The following TJP3 variants were observed in gnomAD, a reference collection of about 807,000 sequenced individuals.
The protein encoded by TJP3 is tight junction protein 3.
TJP3 carries 85 observed loss-of-function variants against 104.2 expected under a neutral mutation model. The ratio of observed to expected loss-of-function variants is 0.82; its 90% CI spans 0.68 to 0.98. The LOEUF is 0.98. Among genes scored for constraint, TJP3 ranks in the 50% least tolerant of loss-of-function variants. The probability of loss-of-function intolerance (pLI) is 0.00; values close to 1 mark genes in which losing one functional copy is unlikely to be tolerated. For missense variants in TJP3, 1,367 were observed against 1,322.8 expected (o/e 1.03, Z -0.52); for synonymous variants, 550 against 550.6 (o/e 1.00, Z 0.02).
intron 6 of TJP3, 45 bp from the exon 7 acceptor site, chr19:3,733,708 C>G: frequency 1.2e-6 from 2 of 1,604,974 alleles, no homozygotes; most frequent in Non-Finnish European, 1.7e-6. Context: ...TGTCTCCCAT[C>G]TCTCATTAAC....
intron 1 of TJP3, among the ~76,000 whole-genome samples, chr19:3,709,466 C>A (rs1043245195): frequency 3.9e-5 from 6 of 152,102 alleles, no homozygotes; most frequent in Admixed American, 1.3e-4. Flanking sequence ...GAGGAAGGAG[C>A]GCTCAGAGCC....
At position 3,750,163 on chromosome 19, in the gene TJP3, A is replaced by T. The variant is rs1213928309; in HGVS notation, c.2636A>T (p.Gln879Leu). The change falls in exon 20 of 21, where the codon CAG becomes CTG. Residue 879 changes from glutamine to leucine, a missense_variant. Transcript: ENST00000541714. ...GTGGACAGCCGCCACCCCCAGGGAC[A>T]GTGGCGACAGGACAGCATGCGGTAA... ...AQVDSRHPQG[Q>L]WRQDSMRTYE... 2.5e-6 allele frequency: 4 copies of T among 1,613,832 alleles called. No homozygotes were observed. Among genetic ancestry groups the T allele is most frequent in the African/African-American group, 1.3e-5 (1 of 74,876 alleles).
intron 1 of TJP3, among the ~76,000 whole-genome samples, chr19:3,717,772 G>A (rs1013185530): frequency 1.3e-5 from 2 of 151,914 alleles, no homozygotes; most frequent in African/African-American, 2.4e-5. Flanking sequence ...GTGGAGATGG[G>A]GGTCTCACTG....
intron 1 of TJP3, chr19:3,721,842 T>G: frequency 1.7e-6 from 2 of 1,158,096 alleles, no homozygotes; most frequent in Non-Finnish European, 2.2e-6. Flanking sequence ...GCCGATTGAC[T>G]GTTTCCAGGA....
chr19:3,738,510 A>C, intron 11 of TJP3, 45 bp from the exon 12 acceptor site: 1 of 1,547,804 alleles, frequency 6.5e-7, no homozygotes, highest in Non-Finnish European at 8.9e-7. Flanking sequence ...TGCACGCCCA[A>C]GAGGTACCAG....
chr19:3,728,361 C>A, intron 1 of TJP3, 63 bp from the exon 2 acceptor site: 2 of 1,613,028 alleles, frequency 1.2e-6, no homozygotes, highest in Admixed American at 1.7e-5. Context: ...GAGCTGGGGA[C>A]CCCCAAGTGC....
chr19:3,720,594 G>A (rs1312919058), intron 1 of TJP3, among the ~76,000 whole-genome samples: 1 of 151,986 alleles, frequency 6.6e-6, no homozygotes, highest in African/African-American at 2.4e-5. Flanking sequence ...ACCTTGGGGT[G>A]GGGCCCAGGC....
At chr19:3,740,954 G>A (rs140827826) in intron 14 of TJP3, among the ~76,000 whole-genome samples, 191 bp downstream of exon 14, 1 of 152,250 alleles carries the variant, frequency 6.6e-6, no homozygotes, top group East Asian at 1.9e-4. Context: ...AACCTGGGCG[G>A]TAAAGCAAGA....
intron 1 of TJP3, among the ~76,000 whole-genome samples, chr19:3,716,801 A>ATATATATATATATT (rs1421328174): frequency 3.7e-5 from 3 of 81,972 alleles, no homozygotes; most frequent in African/African-American, 1.5e-4. Flanking sequence ...ATATATATAT[A>ATATATATATATATT]TTTTTTTTTT....
intron 5 of TJP3, 24 bp from the exon 6 acceptor site, chr19:3,731,911 A>T: frequency 1.2e-6 from 2 of 1,604,558 alleles, no homozygotes; most frequent in Non-Finnish European, 8.5e-7. Flanking sequence ...GTCCTGCCTC[A>T]GTTTCCCTCC....
At chr19:3,725,154 T>C (rs553173140) in intron 1 of TJP3, among the ~76,000 whole-genome samples, 1 of 152,090 alleles carries the variant, frequency 6.6e-6, no homozygotes, top group Non-Finnish European at 1.5e-5. Flanking sequence ...CCCAGCTACC[T>C]GGGAGGCTGA....
At position 3,747,811 on chromosome 19, in the gene TJP3, G is replaced by T. The variant is rs1044733883; in HGVS notation, c.2340G>T (p.Glu780Asp). 1.3e-6 allele frequency: 2 copies of T among 1,598,816 alleles called. No individual in the cohort carries two copies. Among genetic ancestry groups the T allele is most frequent in the Non-Finnish European group, 1.7e-6 (2 of 1,175,144 alleles). Reference protein sequence around the residue: ...TAEDQLDGSLEDNLDLPHHGL... With the variant: ...TAEDQLDGSLDDNLDLPHHGL... ...CCCCACAGCTGGATGGCTCCTTGGA[G>T]GACAACCTAGACCTCCCTCACCACG... The change falls in exon 19 of 21, where the codon GAG becomes GAT. Residue 780 changes from glutamate to aspartate, a missense_variant. Coordinates refer to ENST00000541714, the MANE Select transcript of TJP3 (RefSeq NM_001267560.2).
At chr19:3,736,874 CTAACT>C (rs1319310674) in intron 11 of TJP3, among the ~76,000 whole-genome samples, 2 of 130,420 alleles carry the variant, frequency 1.5e-5, no homozygotes, top group African/African-American at 6.2e-5. Flanking sequence ...CTGCGCCTGG[CTAACT>C]TTTTTTTTTT....
intron 5 of TJP3, among the ~76,000 whole-genome samples, 185 bp from the exon 6 acceptor site, chr19:3,731,750 G>A (rs891211282): frequency 2.6e-5 from 4 of 152,160 alleles, no homozygotes; most frequent in Admixed American, 6.5e-5. Context: ...TGGTGTCCCC[G>A]CCCCGTGGAG....
At position 3,736,266 on chromosome 19, in the gene TJP3, A is replaced by G; in HGVS notation, c.1229A>G (p.Gln410Arg). 6.5e-7 allele frequency: 1 copy of G among 1,549,630 alleles called. No individual in the cohort carries two copies. Among genetic ancestry groups the G allele is most frequent in the Non-Finnish European group, 8.7e-7 (1 of 1,150,408 alleles). The change falls in exon 11 of 21, where the codon CAG (glutamine) becomes CGG (arginine). Residue 410 changes from glutamine (Q) to arginine (R), a missense_variant. Gln to Arg is a conservative substitution (Grantham distance 43). Coordinates refer to ENST00000541714, the MANE Select transcript of TJP3 (RefSeq NM_001267560.2). ...NDVGIFVSGV[Q>R]AGSPADGQGI... Reference sequence around the variant, plus strand: ...GTGGGCATCTTCGTGTCCGGGGTGCAGGCGGGCAGCCCGGCCGACGGGCAG... The same window carrying G: ...GTGGGCATCTTCGTGTCCGGGGTGCGGGCGGGCAGCCCGGCCGACGGGCAG...
intron 1 of TJP3, among the ~76,000 whole-genome samples, chr19:3,712,435 C>T (rs547347862): frequency 4.6e-5 from 7 of 152,236 alleles, no homozygotes; most frequent in African/African-American, 9.6e-5. Context: ...ACTGGGGGCC[C>T]GAGTGGAGTT....
Position 3,746,089 on chromosome 19 carries a change from G to A in TJP3, c.2010+8G>A, listed in dbSNP as rs501168. The A allele has an allele frequency of 0.45, 724,471 of 1,599,902 alleles. 165,150 individuals carry two copies. Among genetic ancestry groups the A allele is most frequent in the Admixed American group, 0.52 (30,177 of 58,230 alleles). On this transcript the variant is annotated splice_region_variant and intron_variant, in intron 16 of 20. Transcript: ENST00000541714. The surrounding 1 kb of genome is among the most constrained non-coding windows in gnomAD (Gnocchi z 4.1). The stretch of plus-strand genomic sequence containing the variant: ...CGGGTGATTGCAGAAAAAGTAAGCC[G>A]GGTCCTGCTACGGGTCCCATTTCAT...
In TJP3 at chr19:3,746,473, G is replaced by A. The variant is rs371425045; in HGVS notation, c.2011-12G>A. 24 of 1,613,288 alleles carry A rather than the reference G, an allele frequency of 1.5e-5. No homozygotes were observed. The highest frequency in any genetic ancestry group is 1.3e-4 in the Admixed American group (8 of 59,960). ...AATCCCCCTCACCCCAACGTCCGCC[G>A]GCCTGGCCCAGGACAAGCATGCGCT... On this transcript the variant is annotated splice_polypyrimidine_tract_variant and intron_variant, in intron 16 of 20. Transcript: ENST00000541714. The surrounding 1 kb of genome is among the most constrained non-coding windows in gnomAD (Gnocchi z 4.1).
intron 13 of TJP3, among the ~76,000 whole-genome samples, chr19:3,739,647 A>C (rs908024424): frequency 2.0e-5 from 3 of 152,202 alleles, no homozygotes; most frequent in Admixed American, 2.0e-4. Context: ...GCTTTAAACA[A>C]CACACACATC....
Sources: allele counts gnomAD v4.1 joint callset (sites outside exome capture counted in the v4.1 genomes callset), GRCh38; gene constraint gnomAD v4.1.1; non-coding constraint Gnocchi (gnomAD v3.1); transcripts MANE v1.5; gene names NCBI Gene and HGNC (gene_info 2026-07-23, HGNC 2026-07-21).